ZMAT4: variants seen among roughly 807,000 people sequenced by gnomAD.
ZMAT4 encodes the protein zinc finger matrin-type 4.
Under a neutral mutation model 28.7 loss-of-function variants are expected in ZMAT4, and 17 were observed. That is an observed-to-expected ratio of 0.59 (90% CI 0.41 to 0.89). ZMAT4 has a LOEUF of 0.89. Among genes scored for constraint, ZMAT4 ranks in the 40% least tolerant of loss-of-function variants. The pLI, the probability that ZMAT4 is intolerant of heterozygous loss-of-function variation, is 0.00. For synonymous variants in ZMAT4, 117 were observed against 109.2 expected, an observed-to-expected ratio of 1.07 and a Z score of -0.44; for missense variants, 240 against 283.8, an observed-to-expected ratio of 0.85 and a Z score of 1.11.
At chr8:40,828,403 C>G (rs1182288767) in intron 1 of ZMAT4, among the ~76,000 whole-genome samples, 1 of 152,122 alleles carries the variant, frequency 6.6e-6, no homozygotes, top group Admixed American at 6.5e-5. Flanking sequence ...ACTGCACACT[C>G]CTTCCTCATT....
intron 5 of ZMAT4, among the ~76,000 whole-genome samples, chr8:40,585,344 A>AT (rs1804631764): frequency 8.5e-5 from 13 of 152,288 alleles, no homozygotes; most frequent in South Asian, 4.1e-4. Context: ...TTTCTCAAGC[A>AT]GTGACTCCCA....
At chr8:40,890,353 C>T (rs1818625498) in intron 1 of ZMAT4, among the ~76,000 whole-genome samples, 1 of 152,186 alleles carries the variant, frequency 6.6e-6, no homozygotes, top group Non-Finnish European at 1.5e-5. Context: ...ACACTGCTCT[C>T]TCTTTCACCT....
intron 2 of ZMAT4, among the ~76,000 whole-genome samples, chr8:40,813,613 G>A (rs555240770): frequency 6.6e-6 from 1 of 152,232 alleles, no homozygotes; most frequent in Non-Finnish European, 1.5e-5. Context: ...CAAAGGGCTC[G>A]CCATAAGGTT....
intron 2 of ZMAT4, among the ~76,000 whole-genome samples, chr8:40,819,141 T>C (rs1815651664): frequency 6.6e-6 from 1 of 152,002 alleles, no homozygotes; most frequent in South Asian, 2.1e-4. Context: ...ATATACATGT[T>C]TTGGCATGTC....
At chr8:40,614,485 A>G (rs2118668293) in intron 5 of ZMAT4, among the ~76,000 whole-genome samples, 1 of 152,070 alleles carries the variant, frequency 6.6e-6, no homozygotes, top group East Asian at 1.9e-4. Context: ...ATCCTTGTTA[A>G]CTTTCTGTCT....
intron 5 of ZMAT4, among the ~76,000 whole-genome samples, chr8:40,599,233 G>A (rs1173141219): frequency 6.6e-6 from 1 of 152,060 alleles, no homozygotes; most frequent in Non-Finnish European, 1.5e-5. Flanking sequence ...AATAAGAAAT[G>A]TCTGATTCAT....
chr8:40,653,989 G>A (rs1807805511), intron 5 of ZMAT4, among the ~76,000 whole-genome samples: 1 of 152,158 alleles, frequency 6.6e-6, no homozygotes, highest in African/African-American at 2.4e-5. Flanking sequence ...ATAGCAGGCT[G>A]AGATCTGTTA....
chr8:40,564,341 C>A (rs1488062577), intron 6 of ZMAT4, among the ~76,000 whole-genome samples: 1 of 152,078 alleles, frequency 6.6e-6, no homozygotes, highest in African/African-American at 2.4e-5. Flanking sequence ...ATTGCCCAAC[C>A]CTGGACCCTA....
At position 40,657,988 on chromosome 8, in the gene ZMAT4, C is replaced by A. The variant is rs540436906; in HGVS notation, c.577+16716G>T. ...TTTTAAAAATATTTTTCTCTGTGTTCTTGAGATTAGATAGTACCTATTTAA... is the reference window on the plus strand; with the variant it reads ...TTTTAAAAATATTTTTCTCTGTGTTATTGAGATTAGATAGTACCTATTTAA... On this transcript the variant is annotated intron_variant, in intron 5 of 6. Coordinates refer to ENST00000297737, the MANE Select transcript of ZMAT4 (RefSeq NM_024645.3). 1.4e-4 allele frequency among the ~76,000 whole-genome samples: 21 copies of A among 152,214 alleles called. No homozygotes were observed. In the East Asian group the frequency reaches 4.1e-3, roughly 29 times the overall value.
intron 3 of ZMAT4, among the ~76,000 whole-genome samples, chr8:40,742,719 A>G (rs1812060090): frequency 1.3e-5 from 2 of 151,480 alleles, no homozygotes; most frequent in African/African-American, 4.9e-5. Context: ...TCATGTGAAC[A>G]GCAACAACCT....
chr8:40,747,328 T>G (rs777681324), intron 3 of ZMAT4, among the ~76,000 whole-genome samples: 1 of 152,118 alleles, frequency 6.6e-6, no homozygotes, highest in Non-Finnish European at 1.5e-5. Flanking sequence ...GACTCGCCCA[T>G]GATCTCCCAG....
chr8:40,779,885 C>A (rs1400951536), intron 2 of ZMAT4, among the ~76,000 whole-genome samples: 2 of 152,102 alleles, frequency 1.3e-5, no homozygotes, highest in African/African-American at 4.8e-5. Flanking sequence ...AAGGCCAACC[C>A]GCCGGCAACC....
intron 5 of ZMAT4, among the ~76,000 whole-genome samples, chr8:40,669,439 G>A (rs1808578541): frequency 6.6e-6 from 1 of 151,808 alleles, no homozygotes; most frequent in Non-Finnish European, 1.5e-5. Context: ...TACACCGAGA[G>A]TGCCTGACTG....
intron 4 of ZMAT4, among the ~76,000 whole-genome samples, chr8:40,678,430 C>G (rs13257318): frequency 0.12 from 17,871 of 152,206 alleles, 1,073 homozygotes; most frequent in Middle Eastern, 0.18. Context: ...ATCCCACCAG[C>G]CTTTGCCCAA....
chr8:40,692,706 TA>T (rs1254836984), intron 4 of ZMAT4, among the ~76,000 whole-genome samples: 1 of 152,200 alleles, frequency 6.6e-6, no homozygotes, highest in African/African-American at 2.4e-5. Flanking sequence ...TGCATAATCT[TA>T]AAAATCACTT....
chr8:40,784,855 T>A (rs1459858972), intron 2 of ZMAT4, among the ~76,000 whole-genome samples: 1 of 152,158 alleles, frequency 6.6e-6, no homozygotes, highest in East Asian at 1.9e-4. Context: ...CATAAGTCAG[T>A]AAATAATAAG....
intron 1 of ZMAT4, among the ~76,000 whole-genome samples, chr8:40,881,528 CAGAAA>C (rs1818247637): frequency 3.9e-5 from 2 of 51,916 alleles, no homozygotes; most frequent in Non-Finnish European, 7.6e-5. Flanking sequence ...GAGAGAGAGA[CAGAAA>C]GAAAGAAAGA....
chr8:40,615,947 G>A (rs1158890414), intron 5 of ZMAT4, among the ~76,000 whole-genome samples: 2 of 152,130 alleles, frequency 1.3e-5, no homozygotes, highest in Non-Finnish European at 2.9e-5. Context: ...GAGTGAACAG[G>A]CAACCTACAA....
intron 1 of ZMAT4, among the ~76,000 whole-genome samples, chr8:40,868,077 C>T (rs537592278): frequency 6.6e-6 from 1 of 152,206 alleles, no homozygotes; most frequent in South Asian, 2.1e-4. Flanking sequence ...TTAACAAATA[C>T]ATTATGGACA....
Sources: gnomAD v4.1 joint callset for allele counts (sites outside exome capture counted in the v4.1 genomes callset) on GRCh38, gnomAD v4.1.1 for gene constraint, MANE v1.5 for transcripts, NCBI Gene and HGNC (gene_info 2026-07-23, HGNC 2026-07-21) for gene names.